The following PCDHGA5 variants were observed in gnomAD, a reference collection of about 807,000 sequenced individuals.
PCDHGA5 encodes protocadherin gamma-A5.
PCDHGA5 carries 36 observed loss-of-function variants against 56.7 expected under a neutral mutation model. The ratio of observed to expected loss-of-function variants is 0.64; its 90% CI spans 0.49 to 0.84. The LOEUF is 0.84. Among genes scored for constraint, PCDHGA5 ranks in the 40% least tolerant of loss-of-function variants. PCDHGA5 has a pLI of 0.00. For missense variants in PCDHGA5, 1,305 were observed against 1,201.5 expected (o/e 1.09, Z -1.27); for synonymous variants, 563 against 520.2 (o/e 1.08, Z -1.12).
intron 1 of PCDHGA5, chr5:141,422,864 AC>A (rs2096680510): frequency 1.9e-6 from 3 of 1,614,190 alleles, no homozygotes; most frequent in Non-Finnish European, 2.5e-6. Flanking sequence ...CTCAGCAGCA[AC>A]GTGTCGCTGA....
chr5:141,421,358 C>T (rs2096566137), intron 1 of PCDHGA5: 1 of 1,613,870 alleles, frequency 6.2e-7, no homozygotes, highest in Non-Finnish European at 8.5e-7. Context: ...GAAAAGGGCT[C>T]CTTCGTGGGC....
chr5:141,371,377 C>T (rs1767709786), intron 1 of PCDHGA5: 3 of 1,614,006 alleles, frequency 1.9e-6, no homozygotes, highest in Non-Finnish European at 2.5e-6. Flanking sequence ...GGACATCACA[C>T]TGCATATTGT....
intron 1 of PCDHGA5, among the ~76,000 whole-genome samples, chr5:141,420,877 G>T (rs566962587): frequency 3.9e-5 from 6 of 152,338 alleles, no homozygotes; most frequent in African/African-American, 1.4e-4. Context: ...TGTAAGTATT[G>T]TGTATCATCG....
At chr5:141,384,891 G>A in intron 1 of PCDHGA5, 1 of 1,613,876 alleles carries the variant, frequency 6.2e-7, no homozygotes, top group Non-Finnish European at 8.5e-7. Flanking sequence ...CCGTGGCTGT[G>A]GCTGACAGCA....
In PCDHGA5 at chr5:141,398,940, G is replaced by C. The variant is rs781438773; in HGVS notation, c.2421+32189G>C. 6.2e-7 allele frequency: 1 copy of C among 1,613,944 alleles called. No individual in the cohort carries two copies. Among genetic ancestry groups the C allele is most frequent in the Middle Eastern group, 1.7e-4 (1 of 6,060 alleles). ...AAGTGTCAGCCACTGACCAAGACGAGGGCATCAACTCAGAAATTACTTATT... is the reference window on the plus strand; with the variant it reads ...AAGTGTCAGCCACTGACCAAGACGACGGCATCAACTCAGAAATTACTTATT... On this transcript the variant is annotated intron_variant, in intron 1 of 3. Transcript: ENST00000518069.
chr5:141,460,430 G>T (rs1163518139), intron 1 of PCDHGA5, among the ~76,000 whole-genome samples: 2 of 152,110 alleles, frequency 1.3e-5, no homozygotes, highest in African/African-American at 4.8e-5. Flanking sequence ...ATGGTGTATG[G>T]TGTGAGGTAA....
Position 141,483,626 on chromosome 5 carries a change from G to A in PCDHGA5, c.2422-11181G>A, listed in dbSNP as rs112905417. On this transcript the variant is annotated intron_variant, in intron 1 of 3. Coordinates refer to ENST00000518069, the MANE Select transcript of PCDHGA5 (RefSeq NM_018918.3). ...TTACACCTCCATCATTCCCATGGGA[G>A]AAGGTATAGAGGGGTGTGTGTTTGT... Among the ~76,000 whole-genome samples the A allele has an allele frequency of 6.0e-4, 90 of 150,886 alleles. 1 individual carries two copies. The highest frequency in any genetic ancestry group is 1.7e-3 in the African/African-American group (69 of 40,378).
rs1764033148 is a variant in PCDHGA5 at position 141,365,639 on chromosome 5, C to T, written c.1309C>T (p.His437Tyr). 2 of 1,613,492 alleles carry T rather than the reference C, an allele frequency of 1.2e-6. No homozygotes were observed. The highest frequency in any genetic ancestry group is 3.3e-5 in the Admixed American group (2 of 59,988). Reference protein sequence around the residue: ...HGTPPLSTESHIPLKVADVND... With the variant: ...HGTPPLSTESYIPLKVADVND... ...AACCCCGCCCCTCTCTACAGAAAGC[C>T]ACATCCCCTTGAAAGTAGCAGACGT... Residue 437 changes from histidine (H) to tyrosine (Y), a missense_variant, in exon 1 of 4, where the codon CAC becomes TAC. By Grantham distance (83) the His-to-Tyr change is moderately conservative. Transcript: ENST00000518069.
At chr5:141,370,980 C>G (rs1197203581) in intron 1 of PCDHGA5, 8 of 1,613,868 alleles carry the variant, frequency 5.0e-6, no homozygotes, top group African/African-American at 1.3e-5. Context: ...AGAGCTAGTA[C>G]TGAAAGCACC....
chr5:141,508,731 A>C (rs1596169554), intron 3 of PCDHGA5, among the ~76,000 whole-genome samples: 6 of 145,538 alleles, frequency 4.1e-5, no homozygotes, highest in African/African-American at 5.1e-5. Context: ...GGGAGACTAC[A>C]CCCCCCACCC....
At position 141,491,101 on chromosome 5, in the gene PCDHGA5, G is replaced by A. The variant is rs1270788252; in HGVS notation, c.2422-3706G>A. Reference sequence around the variant, plus strand: ...GTCCACAGCCCCAGGACTGTTCCTCGTGTCTACACACACTGGTGAGGTGCG... The same window carrying A: ...GTCCACAGCCCCAGGACTGTTCCTCATGTCTACACACACTGGTGAGGTGCG... On this transcript the variant is annotated intron_variant, in intron 1 of 3. Transcript: ENST00000518069. This position sits in a 1 kb window ranked among gnomAD's most constrained non-coding sequence, Gnocchi z 6.9. The A allele has an allele frequency of 8.1e-6, 13 of 1,614,102 alleles. No individual in the cohort carries two copies. In the East Asian group the frequency reaches 1.6e-4, roughly 19 times the overall value.
At chr5:141,417,941 A>T (rs1319967892) in intron 1 of PCDHGA5, 1 of 1,612,890 alleles carries the variant, frequency 6.2e-7, no homozygotes, top group South Asian at 1.1e-5. Context: ...GTTCTACCCC[A>T]CGCTGTGTGA....
chr5:141,447,136 T>TTTTTTG (rs1304915683), intron 1 of PCDHGA5, among the ~76,000 whole-genome samples: 1 of 152,090 alleles, frequency 6.6e-6, no homozygotes, highest in Non-Finnish European at 1.5e-5. Context: ...TGTTTGTTTG[T>TTTTTTG]TTTTTGTTTT....
chr5:141,382,470 A>G (rs918118556), intron 1 of PCDHGA5, among the ~76,000 whole-genome samples: 1 of 152,234 alleles, frequency 6.6e-6, no homozygotes, highest in African/African-American at 2.4e-5. Flanking sequence ...TTTAAAAATT[A>G]TCTAAGATTA....
At chr5:141,445,148 C>A (rs1051995635) in intron 1 of PCDHGA5, among the ~76,000 whole-genome samples, 3 of 152,092 alleles carry the variant, frequency 2.0e-5, no homozygotes, top group Non-Finnish European at 4.4e-5. Context: ...TCTAATTGTT[C>A]ATTTCTAGTT....
Position 141,485,967 on chromosome 5 carries a change from A to G in PCDHGA5, c.2422-8840A>G, listed in dbSNP as rs751904053. 2.5e-6 allele frequency: 4 copies of G among 1,614,194 alleles called. No individual in the cohort carries two copies. The South Asian group carries it at 4.4e-5, about 18-fold the overall frequency. On this transcript the variant is annotated intron_variant, in intron 1 of 3. Transcript: ENST00000518069. This position sits in a 1 kb window ranked among gnomAD's most constrained non-coding sequence, Gnocchi z 5.7. The stretch of plus-strand genomic sequence containing the variant: ...GCGGGCATGGTGCTCATCCAGCTCA[A>G]TGCCTCAGACCCGGACCTGGGTCCC...
At chr5:141,433,732 G>A (rs1181042854) in intron 1 of PCDHGA5, among the ~76,000 whole-genome samples, 2 of 151,886 alleles carry the variant, frequency 1.3e-5, no homozygotes, top group Non-Finnish European at 2.9e-5. Flanking sequence ...AGCTACTTGG[G>A]AGGCTGAGTC....
chr5:141,394,644 G>A, intron 1 of PCDHGA5: 2 of 1,613,358 alleles, frequency 1.2e-6, no homozygotes, highest in Non-Finnish European at 1.7e-6. Flanking sequence ...CCTGCTCAAG[G>A]CCAGCGAGCC....
At chr5:141,483,009 C>G (rs538900128) in intron 1 of PCDHGA5, among the ~76,000 whole-genome samples, 1 of 152,060 alleles carries the variant, frequency 6.6e-6, no homozygotes, top group South Asian at 2.1e-4. Context: ...TGCTTGAACC[C>G]GGGAGGCAGA....
Sources: gnomAD v4.1 joint callset for allele counts (sites outside exome capture counted in the v4.1 genomes callset) on GRCh38, gnomAD v4.1.1 for gene constraint, Gnocchi (gnomAD v3.1) non-coding constraint, MANE v1.5 for transcripts, NCBI Gene and HGNC (gene_info 2026-07-23, HGNC 2026-07-21) for gene names.